The following SEMA5A variants were observed in gnomAD, a reference collection of about 807,000 sequenced individuals.
SEMA5A encodes the protein semaphorin-5A.
Under a neutral mutation model 135.5 loss-of-function variants are expected in SEMA5A, and 55 were observed. The ratio of observed to expected loss-of-function variants is 0.41; its 90% CI spans 0.33 to 0.51. The LOEUF is 0.51. Among genes scored for constraint, SEMA5A ranks in the 20% least tolerant of loss-of-function variants. The probability of loss-of-function intolerance (pLI) is 0.37; values close to 1 mark genes in which losing one functional copy is unlikely to be tolerated. For missense variants in SEMA5A, 1,290 were observed against 1,419.9 expected (o/e 0.91, Z 1.47); for synonymous variants, 580 against 546.5 (o/e 1.06, Z -0.85).
chr5:9,154,888 G>GC (rs376519679), intron 11 of SEMA5A, among the ~76,000 whole-genome samples, 193 bp from the exon 12 acceptor site: 399 of 152,270 alleles, frequency 2.6e-3, no homozygotes, highest in African/African-American at 8.9e-3. Context: ...TGGGGCCCAG[G>GC]CAGCAGTATC....
intron 2 of SEMA5A, among the ~76,000 whole-genome samples, chr5:9,384,619 C>CATAGATAGATAGATAG (rs67211847): frequency 2.3e-5 from 2 of 85,814 alleles, no homozygotes; most frequent in Non-Finnish European, 2.4e-5. Flanking sequence ...TAGATAGATA[C>CATAGATAGATAGATAG]ATAGATAGAT....
At chr5:9,533,779 T>C (rs1327111640) in intron 1 of SEMA5A, among the ~76,000 whole-genome samples, 1 of 152,232 alleles carries the variant, frequency 6.6e-6, no homozygotes, top group African/African-American at 2.4e-5. Flanking sequence ...CCAAATTCTT[T>C]TCTATAAATA....
intron 5 of SEMA5A, among the ~76,000 whole-genome samples, chr5:9,244,694 C>T (rs187671991): frequency 1.6e-4 from 25 of 152,306 alleles, no homozygotes; most frequent in Non-Finnish European, 2.9e-4. Flanking sequence ...AACAAATTAA[C>T]GGATGTGTTA....
At chr5:9,142,871 G>T (rs1289401923) in intron 12 of SEMA5A, among the ~76,000 whole-genome samples, 2 of 152,196 alleles carry the variant, frequency 1.3e-5, no homozygotes, top group Non-Finnish European at 2.9e-5. Context: ...AGAATCACTT[G>T]AACCTCAGAG....
intron 4 of SEMA5A, among the ~76,000 whole-genome samples, chr5:9,321,047 G>A (rs528799799): frequency 4.5e-4 from 69 of 152,240 alleles, no homozygotes; most frequent in Non-Finnish European, 8.1e-4. Context: ...ATTGGATCAT[G>A]GGGGCGGGTT....
At chr5:9,205,707 GT>G (rs931667770) in intron 8 of SEMA5A, among the ~76,000 whole-genome samples, 1 of 152,334 alleles carries the variant, frequency 6.6e-6, no homozygotes, top group Non-Finnish European at 1.5e-5. Context: ...TGTATTCAGT[GT>G]GTAGTGAGTG....
intron 4 of SEMA5A, among the ~76,000 whole-genome samples, chr5:9,335,472 C>T (rs1253643387): frequency 6.6e-6 from 1 of 152,230 alleles, no homozygotes. Context: ...GAATGAAGCG[C>T]TGGTCTGTTC....
intron 12 of SEMA5A, among the ~76,000 whole-genome samples, chr5:9,142,647 T>G (rs1236252326): frequency 3.3e-5 from 5 of 152,200 alleles, no homozygotes; most frequent in African/African-American, 1.2e-4. Context: ...TCATAAGCTA[T>G]TCTTGTACTT....
In SEMA5A at chr5:9,108,275, T is replaced by C. The variant is rs753245991; in HGVS notation, c.1938A>G (p.Glu646=). 4 of 1,614,168 alleles carry C rather than the reference T, an allele frequency of 2.5e-6. No individual in the cohort carries two copies. The highest frequency in any genetic ancestry group is 3.4e-6 in the Non-Finnish European group (4 of 1,180,024). The stretch of plus-strand genomic sequence containing the variant: ...ACATGTGTGGGGGACATAGCAAATG[T>C]TCATTGCAGTATCTGTAATGAGGAA... ...GQNREERYCN[E]HLLCPPHMFW... is the part of the protein sequence containing the mutation. The change falls in exon 16 of 23, where the codon GAA becomes GAG. Residue 646 remains glutamate (E), a synonymous_variant. Transcript: ENST00000382496.
chr5:9,450,178 T>C (rs914015418), intron 1 of SEMA5A, among the ~76,000 whole-genome samples: 4 of 152,150 alleles, frequency 2.6e-5, no homozygotes, highest in Non-Finnish European at 5.9e-5. Flanking sequence ...AGAACCACTC[T>C]CAGCCTCAGA....
Position 9,511,538 on chromosome 5 carries a change from C to A in SEMA5A, c.-175+34046G>T, listed in dbSNP as rs1041360536. 4 of 152,118 alleles carry A rather than the reference C, an allele frequency of 2.6e-5. No homozygotes were observed. In the South Asian group the frequency reaches 8.3e-4, roughly 31 times the overall value. 9.4% of individuals were successfully genotyped at this position (152,118 alleles called of 1,614,324 possible). A position where few individuals can be genotyped will look rare whatever the true frequency, so the allele number is the denominator to read the frequency against. ...CAGTCTTGATTAAAGAGCCTGAGAC[C>A]ACTTAGCTCTTTCAGAAGACCTCTG... On this transcript the variant is annotated intron_variant, in intron 1 of 22. Coordinates refer to ENST00000382496, the MANE Select transcript of SEMA5A (RefSeq NM_003966.3).
chr5:9,355,157 G>T (rs1754384075), intron 3 of SEMA5A, among the ~76,000 whole-genome samples: 1 of 152,166 alleles, frequency 6.6e-6, no homozygotes, highest in African/African-American at 2.4e-5. Context: ...GACAAGAGTG[G>T]GTGTGGCTGG....
intron 1 of SEMA5A, among the ~76,000 whole-genome samples, chr5:9,483,751 T>G (rs1401419732): frequency 6.6e-6 from 1 of 152,188 alleles, no homozygotes; most frequent in Non-Finnish European, 1.5e-5. Context: ...AAGAAAAAAG[T>G]AATTTAGATG....
chr5:9,414,306 T>C (rs369149019), intron 2 of SEMA5A, among the ~76,000 whole-genome samples: 54 of 152,348 alleles, frequency 3.5e-4, no homozygotes, highest in African/African-American at 1.2e-3. Flanking sequence ...GCGATTCAAC[T>C]ATAAGGAAAA....
intron 1 of SEMA5A, among the ~76,000 whole-genome samples, chr5:9,454,757 T>A (rs777194988): frequency 6.6e-6 from 1 of 152,246 alleles, no homozygotes; most frequent in East Asian, 1.9e-4. Flanking sequence ...TCTTAAGAAC[T>A]ATAACCACTA....
At chr5:9,055,877 A>C (rs1428451459) in intron 18 of SEMA5A, among the ~76,000 whole-genome samples, 1 of 38,730 alleles carries the variant, frequency 2.6e-5, no homozygotes, top group Non-Finnish European at 5.1e-5. Flanking sequence ...AACTTTAAAA[A>C]TTAAAAAAAA....
chr5:9,310,016 C>A (rs1752052603), intron 5 of SEMA5A, among the ~76,000 whole-genome samples: 1 of 109,842 alleles, frequency 9.1e-6, no homozygotes, highest in African/African-American at 3.0e-5. Flanking sequence ...CAAATAAACA[C>A]AGCAATCAAA....
At chr5:9,368,168 C>T (rs576940063) in intron 3 of SEMA5A, among the ~76,000 whole-genome samples, 47 of 152,158 alleles carry the variant, frequency 3.1e-4, no homozygotes, top group Non-Finnish European at 5.9e-4. Context: ...AACATGTACA[C>T]ACACATACAC....
intron 1 of SEMA5A, among the ~76,000 whole-genome samples, chr5:9,462,084 C>T (rs1009840406): frequency 6.6e-5 from 10 of 152,194 alleles, no homozygotes; most frequent in South Asian, 2.1e-4. Context: ...AATCCCAAGA[C>T]TTTCTCATAC....
Sources: gnomAD v4.1 joint callset for allele counts (sites outside exome capture counted in the v4.1 genomes callset) on GRCh38, gnomAD v4.1.1 for gene constraint, MANE v1.5 for transcripts, NCBI Gene and HGNC (gene_info 2026-07-23, HGNC 2026-07-21) for gene names.